GRID1: variants seen among roughly 807,000 people sequenced by gnomAD.
GRID1 encodes glutamate ionotropic receptor delta type subunit 1, also known as glutamate receptor ionotropic, delta-1.
GRID1 carries 28 observed loss-of-function variants against 98.0 expected under a neutral mutation model. The ratio of observed to expected loss-of-function variants is 0.29; its 90% CI spans 0.21 to 0.39. GRID1 has a LOEUF of 0.39. GRID1 is among the 10% of genes least tolerant of loss of function. GRID1 has a pLI of 1.00. For synonymous variants in GRID1, 553 were observed against 538.5 expected (o/e 1.03, Z -0.37); for missense variants, 1,111 against 1,340.5 (o/e 0.83, Z 2.67).
chr10:85,736,148 G>A lies in GRID1; in HGVS notation c.1234-6534C>T, dbSNP rs896685836. Among the ~76,000 whole-genome samples, 5 of 143,998 alleles carry A rather than the reference G, an allele frequency of 3.5e-5. 1 individual carries two copies. The highest frequency in any genetic ancestry group is 6.1e-5 in the Non-Finnish European group (4 of 65,682). 94.5% of individuals were successfully genotyped at this position (143,998 alleles called of 152,430 possible). ...AGGGAGAAAGGAAGGAGAGAAGGAA[G>A]GAAGGAGGGAGGGAGGGACACAGGA... On this transcript the variant is annotated intron_variant, in intron 8 of 15. Coordinates refer to ENST00000327946, the MANE Select transcript of GRID1 (RefSeq NM_017551.3).
chr10:86,110,028 A>G (rs543085634), intron 4 of GRID1, among the ~76,000 whole-genome samples: 15 of 143,764 alleles, frequency 1.0e-4, no homozygotes, highest in African/African-American at 3.1e-4. Context: ...GCCGGAGTGC[A>G]GTGGAGTGAT....
intron 3 of GRID1, among the ~76,000 whole-genome samples, chr10:86,171,129 T>A (rs1845479841): frequency 6.6e-6 from 1 of 152,174 alleles, no homozygotes. Flanking sequence ...AAGGCACCTG[T>A]ATTTTTCGAA....
At chr10:85,631,765 A>G (rs770048751) in intron 13 of GRID1, among the ~76,000 whole-genome samples, 9 of 152,216 alleles carry the variant, frequency 5.9e-5, no homozygotes, top group Non-Finnish European at 1.5e-5. Context: ...AAAAATTAAG[A>G]ATGACCTAAA....
chr10:85,870,059 C>A (rs1213986586), intron 5 of GRID1, among the ~76,000 whole-genome samples: 1 of 152,092 alleles, frequency 6.6e-6, no homozygotes, highest in African/African-American at 2.4e-5. Flanking sequence ...AAGTATTGTT[C>A]CTGGGTGTGT....
chr10:86,283,387 C>A (rs944389483), intron 2 of GRID1, among the ~76,000 whole-genome samples: 1 of 152,146 alleles, frequency 6.6e-6, no homozygotes, highest in African/African-American at 2.4e-5. Context: ...TGAGGGGCCC[C>A]AGTATCTAGC....
At chr10:85,715,592 A>AAAGAT (rs1841629461) in intron 12 of GRID1, among the ~76,000 whole-genome samples, 1 of 152,242 alleles carries the variant, frequency 6.6e-6, no homozygotes. Flanking sequence ...TAAATGACCA[A>AAAGAT]AAGATATACG....
intron 4 of GRID1, among the ~76,000 whole-genome samples, chr10:86,065,669 A>G (rs1320649883): frequency 2.0e-5 from 3 of 152,228 alleles, no homozygotes; most frequent in Non-Finnish European, 4.4e-5. Context: ...AATTAAACTA[A>G]TTCACTTGGT....
intron 12 of GRID1, among the ~76,000 whole-genome samples, chr10:85,682,221 G>A (rs1164671218): frequency 1.3e-5 from 2 of 152,208 alleles, no homozygotes; most frequent in African/African-American, 4.8e-5. Flanking sequence ...ATATAACAGT[G>A]AGAAGTCTCT....
At chr10:85,736,848 T>C (rs1443121643) in intron 8 of GRID1, among the ~76,000 whole-genome samples, 1 of 152,130 alleles carries the variant, frequency 6.6e-6, no homozygotes, top group Admixed American at 6.6e-5. Context: ...AGGAACAACA[T>C]GTTTAGATAC....
At chr10:85,610,709 T>A (rs1186515137) in intron 15 of GRID1, among the ~76,000 whole-genome samples, 1 of 152,076 alleles carries the variant, frequency 6.6e-6, no homozygotes, top group Non-Finnish European at 1.5e-5. Flanking sequence ...CATCTGTGCA[T>A]GAGGAAGTAA....
chr10:86,167,042 G>T (rs1349122568), intron 3 of GRID1, among the ~76,000 whole-genome samples: 1 of 152,342 alleles, frequency 6.6e-6, no homozygotes, highest in Non-Finnish European at 1.5e-5. Flanking sequence ...GCCCAGAAAA[G>T]ACCCAGCCAA....
At chr10:86,138,763 T>C (rs1844966111) in intron 4 of GRID1, 56 bp downstream of exon 4, 2 of 1,425,148 alleles carry the variant, frequency 1.4e-6, no homozygotes, top group Non-Finnish European at 2.0e-6. Flanking sequence ...ACCTGAACCA[T>C]CTTCTGCAGA....
chr10:85,640,341 C>T (rs1038450508), intron 13 of GRID1, among the ~76,000 whole-genome samples: 2 of 152,206 alleles, frequency 1.3e-5, no homozygotes, highest in Admixed American at 6.5e-5. Flanking sequence ...AGAGAAAGAA[C>T]AGAATTTCTT....
In GRID1 at chr10:86,183,490, G is replaced by C. The variant is rs369129597; in HGVS notation, c.520+22874C>G. ...TTCATCTGCCTCAGCCTCCCAAGTA[G>C]CTAGGATTACAGGCATGCGCCACCA... On this transcript the variant is annotated intron_variant, in intron 3 of 15. Coordinates refer to ENST00000327946, the MANE Select transcript of GRID1 (RefSeq NM_017551.3). Among the ~76,000 whole-genome samples the C allele has an allele frequency of 4.7e-4, 71 of 152,240 alleles. No individual in the cohort carries two copies. In the South Asian group the frequency reaches 0.012, roughly 26 times the overall value.
At chr10:85,612,241 A>G (rs573612440) in intron 15 of GRID1, among the ~76,000 whole-genome samples, 1 of 152,268 alleles carries the variant, frequency 6.6e-6, no homozygotes, top group South Asian at 2.1e-4. Context: ...CCAGACACCC[A>G]GGCCACACAC....
chr10:86,101,329 T>A (rs1378630423), intron 4 of GRID1, among the ~76,000 whole-genome samples: 1 of 152,260 alleles, frequency 6.6e-6, no homozygotes, highest in Non-Finnish European at 1.5e-5. Flanking sequence ...GAATGTATAA[T>A]CTTATGAGTT....
rs139749923 is a variant in GRID1 at position 86,138,758 on chromosome 10, A to G, written c.726+61T>C. The G allele has an allele frequency of 5.6e-4, 769 of 1,379,666 alleles. 4 individuals are homozygous for G. In the African/African-American group the frequency reaches 0.01, roughly 18 times the overall value. 85.5% of individuals were successfully genotyped at this position (1,379,666 alleles called of 1,614,324 possible). A position where few individuals can be genotyped will look rare whatever the true frequency, so the allele number is the denominator to read the frequency against. ...ACGACTGTGCCCTGCAGCCCACCTG[A>G]ACCATCTTCTGCAGAGCCCTGGGCA... is the stretch of plus-strand genomic sequence containing the variant. On this transcript the variant is annotated intron_variant, in intron 4 of 15. Transcript: ENST00000327946.
intron 5 of GRID1, among the ~76,000 whole-genome samples, chr10:85,898,983 C>A (rs1437269630): frequency 6.6e-6 from 1 of 152,098 alleles, no homozygotes; most frequent in East Asian, 1.9e-4. Flanking sequence ...TTTGTTTATA[C>A]CAGCATCACC....
intron 4 of GRID1, among the ~76,000 whole-genome samples, chr10:86,049,392 T>C (rs1264543225): frequency 2.0e-5 from 3 of 151,842 alleles, no homozygotes; most frequent in Non-Finnish European, 2.9e-5. Context: ...TTTTGACCCA[T>C]AAAATTTCCT....
Sources: allele counts gnomAD v4.1 joint callset (sites outside exome capture counted in the v4.1 genomes callset), GRCh38; gene constraint gnomAD v4.1.1; transcripts MANE v1.5; gene names NCBI Gene and HGNC (gene_info 2026-07-23, HGNC 2026-07-21).